Variants in LGI1 observed in about 807,000 individuals in gnomAD.
The protein encoded by LGI1 is leucine rich glioma inactivated 1, also known as leucine-rich glioma-inactivated protein 1.
A neutral mutation model predicts 57.7 loss-of-function variants in LGI1; 11 were observed. That is an observed-to-expected ratio of 0.19 (90% confidence interval 0.12 to 0.32). The LOEUF is 0.32. LGI1 is among the 10% of genes least tolerant of loss of function. LGI1 has a pLI of 1.00. For synonymous variants in LGI1, 222 were observed against 241.9 expected (o/e 0.92, Z 0.76); for missense variants, 422 against 661.9 (o/e 0.64, Z 3.98).
chr10:93,774,322 T>C (rs2059770797), intron 2 of LGI1, among the ~76,000 whole-genome samples: 1 of 152,104 alleles, frequency 6.6e-6, no homozygotes. Flanking sequence ...TTTAAAGCTG[T>C]CTGGGTGATT....
chr10:93,777,598 C>T lies in LGI1; in HGVS notation c.412C>T (p.Leu138=). The T allele has an allele frequency of 6.2e-7, 1 of 1,612,728 alleles. No homozygotes were observed. Among genetic ancestry groups the T allele is most frequent in the East Asian group, 2.2e-5 (1 of 44,844 alleles). Residue 138 remains leucine (L), a synonymous_variant, in exon 4 of 8, where the codon CTA becomes TTA. Transcript: ENST00000371418. Reference sequence around the variant, plus strand: ...AATTTCAAGACATACTTTCCGGGGACTAAAGTCATTAATTCACTTGTAAGT... The same window carrying T: ...AATTTCAAGACATACTTTCCGGGGATTAAAGTCATTAATTCACTTGTAAGT... ...KSISRHTFRG[L]KSLIHLSLAN...
chr10:93,763,192 G>A (rs1422450011), intron 2 of LGI1: 1 of 152,230 alleles, frequency 6.6e-6, no homozygotes, highest in Non-Finnish European at 1.5e-5. Context: ...AACAGAGAAA[G>A]TCCAGACACC....
At chr10:93,796,292 G>A (rs2059979037) in intron 7 of LGI1, among the ~76,000 whole-genome samples, 1 of 152,168 alleles carries the variant, frequency 6.6e-6, no homozygotes, top group African/African-American at 2.4e-5. Context: ...TCTAGAGCAG[G>A]AAGCAGTTCA....
intron 5 of LGI1, chr10:93,792,403 C>A: frequency 4.0e-6 from 1 of 248,006 alleles, no homozygotes; most frequent in Non-Finnish European, 7.9e-6. Context: ...TGAATTATAC[C>A]TGCTTCTTTT....
At chr10:93,796,451 G>A (rs556420911) in intron 7 of LGI1, among the ~76,000 whole-genome samples, 2 of 152,270 alleles carry the variant, frequency 1.3e-5, no homozygotes, top group African/African-American at 2.4e-5. Flanking sequence ...AGAGATGCTG[G>A]TAGGCCTGGC....
chr10:93,760,484 C>T (rs1216430629), intron 2 of LGI1, among the ~76,000 whole-genome samples: 1 of 152,138 alleles, frequency 6.6e-6, no homozygotes, highest in Non-Finnish European at 1.5e-5. Context: ...CCTCCCTTCC[C>T]CTAGGAAGTT....
intron 2 of LGI1, among the ~76,000 whole-genome samples, chr10:93,760,325 C>T (rs1353566639): frequency 6.6e-6 from 1 of 152,192 alleles, no homozygotes; most frequent in Non-Finnish European, 1.5e-5. Context: ...TTCTTTCCCA[C>T]AGAAAGGGGC....
chr10:93,778,177 C>A (rs2059810068), intron 4 of LGI1, among the ~76,000 whole-genome samples: 1 of 152,138 alleles, frequency 6.6e-6, no homozygotes, highest in East Asian at 1.9e-4. Context: ...ATGTAAATGG[C>A]ATCTAGTGGG....
chr10:93,778,195 C>G (rs1269974410), intron 4 of LGI1, among the ~76,000 whole-genome samples: 1 of 152,174 alleles, frequency 6.6e-6, no homozygotes, highest in African/African-American at 2.4e-5. Flanking sequence ...GGGTGAAAGG[C>G]AGGGATTCTT....
rs114422741 is a variant in LGI1 at position 93,766,299 on chromosome 10, T to C, written c.287+7468T>C. ...TCAAAAGGCAATAAATCTTTAAAAA[T>C]ACAAACTAGAATGTATACATACAAA... On this transcript the variant is annotated intron_variant, in intron 2 of 7. Coordinates refer to ENST00000371418, the MANE Select transcript of LGI1 (RefSeq NM_005097.4). 2.0e-3 allele frequency among the ~76,000 whole-genome samples: 303 copies of C among 152,236 alleles called. 1 individual carries two copies. The highest frequency in any genetic ancestry group is 6.6e-3 in the African/African-American group (276 of 41,562).
intron 2 of LGI1, chr10:93,765,386 G>C (rs912546267): frequency 6.6e-6 from 1 of 152,192 alleles, no homozygotes; most frequent in Non-Finnish European, 1.5e-5. Flanking sequence ...AGGAGTAGTG[G>C]TGACTGAGGT....
intron 7 of LGI1, among the ~76,000 whole-genome samples, chr10:93,796,593 T>A (rs1369339613): frequency 6.6e-6 from 1 of 152,218 alleles, no homozygotes; most frequent in Non-Finnish European, 1.5e-5. Flanking sequence ...AGAAAGCACA[T>A]AATAGATGCT....
Position 93,792,767 on chromosome 10 carries a change from T to C in LGI1, c.528T>C (p.Asn176=), listed in dbSNP as rs2059947443. The C allele has an allele frequency of 3.1e-6, 5 of 1,614,016 alleles. No homozygotes were observed. In the African/African-American group the frequency reaches 5.3e-5, roughly 17 times the overall value. The change falls in exon 6 of 8, where the codon AAT becomes AAC. Residue 176 remains asparagine (N), a synonymous_variant. Coordinates refer to ENST00000371418, the MANE Select transcript of LGI1 (RefSeq NM_005097.4). Reference sequence around the variant, plus strand: ...GGGACCTGAGGGGTAATTCATTTAATTGTGACTGTAAACTGAAATGGCTAG... The same window carrying C: ...GGGACCTGAGGGGTAATTCATTTAACTGTGACTGTAAACTGAAATGGCTAG... The part of the protein sequence containing the change: ...TNVDLRGNSF[N]CDCKLKWLVE...
At chr10:93,759,511 C>T (rs187552526) in intron 2 of LGI1, among the ~76,000 whole-genome samples, 1 of 152,274 alleles carries the variant, frequency 6.6e-6, no homozygotes, top group Admixed American at 6.5e-5. Flanking sequence ...CAGATCTGTT[C>T]ACAGGCATAA....
At chr10:93,765,150 C>T (rs1214098659) in intron 2 of LGI1, 1 of 152,174 alleles carries the variant, frequency 6.6e-6, no homozygotes, top group Non-Finnish European at 1.5e-5. Flanking sequence ...AATCAGGAAA[C>T]ATGGGTTTGA....
Position 93,797,842 on chromosome 10 carries a change from A to C in LGI1, c.*39A>C. The C allele has an allele frequency of 7.2e-7, 1 of 1,385,630 alleles. No individual in the cohort carries two copies. The highest frequency in any genetic ancestry group is 1.0e-6 in the Non-Finnish European group (1 of 985,504). The allele number at this position is 1,385,630 out of a possible 1,614,324, so 85.8% of individuals were successfully genotyped here. ...GTGGCTGCCATCAGAAATTTTCTAC[A>C]GTACATGACCCGGATGAACTCAATG... is the stretch of plus-strand genomic sequence containing the variant. On this transcript the variant is annotated 3_prime_UTR_variant, in exon 8 of 8. Transcript: ENST00000371418. The surrounding 1 kb of genome is among the most constrained non-coding windows in gnomAD (Gnocchi z 6.5).
intron 2 of LGI1, chr10:93,771,100 A>G (rs2059733056): frequency 6.6e-6 from 1 of 152,210 alleles, no homozygotes; most frequent in Admixed American, 6.5e-5. Flanking sequence ...TGCCAAAAAA[A>G]AATGTGCCAG....
intron 4 of LGI1, among the ~76,000 whole-genome samples, chr10:93,787,314 C>T (rs574991902): frequency 6.6e-6 from 1 of 152,268 alleles, no homozygotes; most frequent in Non-Finnish European, 1.5e-5. Context: ...CCTGCCTCCC[C>T]CACCCTCTGA....
chr10:93,789,369 G>T (rs547151575), intron 4 of LGI1: 34 of 152,730 alleles, frequency 2.2e-4, no homozygotes, highest in South Asian at 8.3e-4. Flanking sequence ...TGGGTTGGAG[G>T]TTTGGTTGCT....
Sources: allele counts gnomAD v4.1 joint callset (sites outside exome capture counted in the v4.1 genomes callset), GRCh38; gene constraint gnomAD v4.1.1; non-coding constraint Gnocchi (gnomAD v3.1); transcripts MANE v1.5; gene names NCBI Gene and HGNC (gene_info 2026-07-23, HGNC 2026-07-21).